Variants in MDN1 observed in about 807,000 individuals in gnomAD.
MDN1 encodes the protein midasin.
MDN1 carries 266 observed loss-of-function variants against 669.2 expected under a neutral mutation model. The observed-to-expected ratio is 0.40, with a 90% CI of 0.36 to 0.44. MDN1 has a LOEUF of 0.44. MDN1 is among the 20% of genes least tolerant of loss of function. The pLI, the probability that MDN1 is intolerant of heterozygous loss-of-function variation, is 1.00. For synonymous variants in MDN1, 2,385 were observed against 2,457.1 expected (o/e 0.97, Z 0.87); for missense variants, 5,940 against 6,754.0 (o/e 0.88, Z 4.22).
chr6:89,815,324 A>G (rs975981304), intron 1 of MDN1: 2 of 480,952 alleles, frequency 4.2e-6, no homozygotes, highest in Non-Finnish European at 8.3e-6. Flanking sequence ...AAGCTGTCCC[A>G]AGAGCTGGAT....
In MDN1 at chr6:89,706,111, A is replaced by G. The variant is rs759377633; in HGVS notation, c.8096T>C (p.Leu2699Pro). The G allele has an allele frequency of 3.1e-6, 5 of 1,613,310 alleles. No individual in the cohort carries two copies. In the Admixed American group the frequency reaches 8.3e-5, roughly 27 times the overall value. The change falls in exon 53 of 102, where the codon CTG becomes CCG. Residue 2699 changes from leucine (L) to proline (P), a missense_variant. Transcript: ENST00000369393. ...TCCCTGGGAGGACTGTACCCAGAGCAGGACTAGTGCATCACAAAGTTCAAA... is the reference window on the plus strand; with the variant it reads ...TCCCTGGGAGGACTGTACCCAGAGCGGGACTAGTGCATCACAAAGTTCAAA... ...AFFELCDALVLLWVQSSQGMV... is the reference protein window; with the variant it reads ...AFFELCDALVPLWVQSSQGMV...
intron 53 of MDN1, among the ~76,000 whole-genome samples, chr6:89,703,378 G>A (rs192049716): frequency 1.0e-3 from 146 of 143,472 alleles, no homozygotes; most frequent in African/African-American, 3.5e-3. Flanking sequence ...AAGGGGGGGG[G>A]GTCTATCTGT....
In MDN1 at chr6:89,683,574, T is replaced by C. The variant is rs185129460; in HGVS notation, c.11904-244A>G. On this transcript the variant is annotated intron_variant, in intron 72 of 101. Transcript: ENST00000369393. ...GAATGGGATTGCTTTGCTCAAAGTA[T>C]ACAGCTAGTGGGTGGCAGAAGACTT... is the stretch of plus-strand genomic sequence containing the variant. 4.3e-3 allele frequency among the ~76,000 whole-genome samples: 654 copies of C among 152,286 alleles called. 8 individuals are homozygous for C. Among genetic ancestry groups the C allele is most frequent in the Non-Finnish European group, 5.1e-3 (346 of 68,026 alleles).
At chr6:89,754,031 C>T in intron 21 of MDN1, 52 bp downstream of exon 21, 3 of 1,578,464 alleles carry the variant, frequency 1.9e-6, no homozygotes, top group Non-Finnish European at 2.6e-6. Flanking sequence ...TCCTTCCTTC[C>T]CATGAACCCA....
At position 89,719,182 on chromosome 6, in the gene MDN1, G is replaced by A. The variant is rs546138858; in HGVS notation, c.6011C>T (p.Pro2004Leu). 1.5e-4 allele frequency: 238 copies of A among 1,613,918 alleles called. 3 individuals carry two copies. The South Asian group carries it at 2.4e-3, about 16-fold the overall frequency. Residue 2004 changes from proline to leucine, a missense_variant, in exon 41 of 102, where the codon CCA (proline) becomes CTA (leucine). Transcript: ENST00000369393. ...FKDVFGSNSN[P>L]YMGTRLFRIT... is the part of the protein sequence containing the mutation. ...ACGAAATAGTCTGGTTCCCATGTAT[G>A]GGTTGGAATTTGAACCAAACACATC...
intron 45 of MDN1, 97 bp from the exon 46 acceptor site, chr6:89,714,848 G>A: frequency 3.2e-6 from 3 of 943,626 alleles, no homozygotes; most frequent in East Asian, 5.2e-5. Flanking sequence ...ATCCTATGTG[G>A]CTCATTGTCA....
Position 89,678,660 on chromosome 6 carries a change from C to A in MDN1, c.12351G>T (p.Lys4117Asn). 2 of 1,614,116 alleles carry A rather than the reference C, an allele frequency of 1.2e-6. No homozygotes were observed. Among genetic ancestry groups the A allele is most frequent in the East Asian group, 4.5e-5 (2 of 44,866 alleles). ...CTCGCTGTTTTTGCATGAGAATGTGCTTGGCTTCTGACCGCTGCTTCTCCT... is the reference window on the plus strand; with the variant it reads ...CTCGCTGTTTTTGCATGAGAATGTGATTGGCTTCTGACCGCTGCTTCTCCT... The part of the protein sequence containing the change: ...AEKEKQRSEA[K>N]HILMQKQRAL... Residue 4117 changes from lysine to asparagine, a missense_variant, in exon 75 of 102, where the codon AAG becomes AAT. Coordinates refer to ENST00000369393, the MANE Select transcript of MDN1 (RefSeq NM_014611.3).
intron 79 of MDN1, 147 bp downstream of exon 79, chr6:89,673,956 AT>A: frequency 2.4e-5 from 2 of 81,750 alleles, no homozygotes; most frequent in Non-Finnish European, 4.6e-5. Context: ...ACCCCACCCC[AT>A]CCCCCAAACC....
chr6:89,760,260 A>G (rs576496033), intron 17 of MDN1, among the ~76,000 whole-genome samples: 1 of 152,294 alleles, frequency 6.6e-6, no homozygotes, highest in East Asian at 1.9e-4. Flanking sequence ...AACCAAGTTG[A>G]TCCTTCCTAC....
chr6:89,727,893 G>A lies in MDN1; in HGVS notation c.5412C>T (p.Ala1804=), dbSNP rs1315652451. The change falls in exon 37 of 102, where the codon GCC becomes GCT. Residue 1804 remains alanine (A), a synonymous_variant. Transcript: ENST00000369393. ...CTGCCAGTAAGGGGCCATCACGCCAGGCAAACTCTCCTCCCTTGCCACCTT... is the reference window on the plus strand; with the variant it reads ...CTGCCAGTAAGGGGCCATCACGCCAAGCAAACTCTCCTCCCTTGCCACCTT... ...PVEGGKGGEF[A]WRDGPLLAAL... 1 of 1,613,982 alleles carries A rather than the reference G, an allele frequency of 6.2e-7. No homozygotes were observed.
At chr6:89,815,018 AG>A (rs1346244627) in intron 1 of MDN1, 7 of 594,744 alleles carry the variant, frequency 1.2e-5, no homozygotes, top group African/African-American at 1.9e-5. Context: ...GTGGAGACCC[AG>A]GTGAAGGCCA....
At chr6:89,747,178 T>C (rs535061484) in intron 27 of MDN1, 151 bp downstream of exon 27, 2 of 878,436 alleles carry the variant, frequency 2.3e-6, no homozygotes, top group South Asian at 3.6e-5. Context: ...TAAGATCACT[T>C]ACAAAAGCTG....
At chr6:89,808,013 A>C (rs1270946555) in intron 1 of MDN1, among the ~76,000 whole-genome samples, 1 of 151,674 alleles carries the variant, frequency 6.6e-6, no homozygotes, top group Non-Finnish European at 1.5e-5. Context: ...ACAGGATCTC[A>C]CTTTGTTGCC....
chr6:89,790,581 C>T (rs963500791), intron 5 of MDN1, among the ~76,000 whole-genome samples, 180 bp from the exon 6 acceptor site: 2 of 152,164 alleles, frequency 1.3e-5, no homozygotes, highest in African/African-American at 4.8e-5. Flanking sequence ...GTGGCCCATG[C>T]CCATAGTCTC....
chr6:89,677,443 C>T, intron 76 of MDN1, 127 bp downstream of exon 76: 1 of 1,237,242 alleles, frequency 8.1e-7, no homozygotes, highest in Non-Finnish European at 1.1e-6. Context: ...GAGCCAGGCA[C>T]TTTTGTAAGT....
Position 89,695,909 on chromosome 6 carries a change from T to G in MDN1, c.9467A>C (p.Gln3156Pro). The G allele has an allele frequency of 6.2e-7, 1 of 1,613,038 alleles. No homozygotes were observed. The highest frequency in any genetic ancestry group is 8.5e-7 in the Non-Finnish European group (1 of 1,180,034). Residue 3156 changes from glutamine (Q) to proline (P), a missense_variant, in exon 61 of 102, where the codon CAG becomes CCG. Physicochemically the swap from Gln to Pro is moderately conservative, Grantham distance 76. Around this residue, in one of 5 missense-constraint regions of MDN1, gnomAD observed 2,292 missense variants for 2,638.3 expected, o/e 0.87. Transcript: ENST00000369393. This position sits in a 1 kb window ranked among gnomAD's most constrained non-coding sequence, Gnocchi z 4.1. ...LAELLPESRR[Q>P]EYMQNCEQLL... Reference sequence around the variant, plus strand: ...CTGCTCACAGTTCTGCATGTACTCCTGCCGCCGGGACTCTGGGAGCAGCTC... The same window carrying G: ...CTGCTCACAGTTCTGCATGTACTCCGGCCGCCGGGACTCTGGGAGCAGCTC...
rs58697438 is a variant in MDN1, at chr6:89,782,604, AAATAATAATAAT to A, written c.1450-1024_1450-1013del. Reference sequence around the variant, plus strand: ...TGACAGAGTAAGACCTTTCCTCAAAAAATAATAATAATAATAATAATAATAATAATAATAATA... The same window carrying A: ...TGACAGAGTAAGACCTTTCCTCAAAAAATAATAATAATAATAATAATAATA... On this transcript the variant is annotated intron_variant, in intron 9 of 101. Coordinates refer to ENST00000369393, the MANE Select transcript of MDN1 (RefSeq NM_014611.3). Among the ~76,000 whole-genome samples the A allele has an allele frequency of 2.4e-3, 344 of 144,190 alleles. 1 individual carries two copies. The highest frequency in any genetic ancestry group is 5.9e-3 in the African/African-American group (232 of 39,364). 94.6% of individuals were successfully genotyped at this position (144,190 alleles called of 152,430 possible).
intron 86 of MDN1, among the ~76,000 whole-genome samples, chr6:89,662,521 A>G (rs1453153173): frequency 6.6e-6 from 1 of 152,186 alleles, no homozygotes; most frequent in African/African-American, 2.4e-5. Context: ...TGGGAGCTGG[A>G]AAAAATCAGT....
intron 11 of MDN1, among the ~76,000 whole-genome samples, chr6:89,777,069 C>T (rs1204773568): frequency 6.6e-6 from 1 of 152,142 alleles, no homozygotes; most frequent in Non-Finnish European, 1.5e-5. Context: ...TGCTTTCTAA[C>T]TGCAAGGGAA....
Sources: gnomAD v4.1 joint callset for allele counts (sites outside exome capture counted in the v4.1 genomes callset) on GRCh38, gnomAD v4.1.1 for gene constraint, gnomAD v4.1.1 regional missense constraint, Gnocchi (gnomAD v3.1) non-coding constraint, MANE v1.5 for transcripts, NCBI Gene and HGNC (gene_info 2026-07-23, HGNC 2026-07-21) for gene names.